FRMD4B: variants seen among roughly 807,000 people sequenced by gnomAD.
FRMD4B encodes FERM domain containing 4B, also known as FERM domain-containing protein 4B.
FRMD4B carries 74 observed loss-of-function variants against 141.5 expected under a neutral mutation model. That is an observed-to-expected ratio of 0.52 (90% CI 0.43 to 0.63). FRMD4B has a LOEUF of 0.63. Ranked by LOEUF, FRMD4B falls within the 30% of genes least tolerant of loss-of-function variation. FRMD4B has a pLI of 0.00. For missense variants in FRMD4B, 1,366 were observed against 1,253.4 expected (o/e 1.09, Z -1.36); for synonymous variants, 506 against 467.9 (o/e 1.08, Z -1.05).
chr3:69,489,135 A>G (rs1214845115), intron 1 of FRMD4B, among the ~76,000 whole-genome samples: 3 of 151,728 alleles, frequency 2.0e-5, no homozygotes, highest in Non-Finnish European at 2.9e-5. Context: ...TGCAAATCAT[A>G]TATCTAAAAA....
intron 1 of FRMD4B, chr3:69,536,639 T>C: frequency 9.9e-7 from 1 of 1,010,322 alleles, no homozygotes; most frequent in Non-Finnish European, 1.5e-6. Flanking sequence ...TGGATGATCC[T>C]GCTGTGGAAG....
intron 14 of FRMD4B, among the ~76,000 whole-genome samples, chr3:69,195,707 A>AAACTTTT (rs2092896851): frequency 1.9e-4 from 2 of 10,618 alleles, no homozygotes; most frequent in Non-Finnish European, 1.6e-3. Context: ...TGTTCTTTTA[A>AAACTTTT]AAAGTAAGCA....
chr3:69,488,597 C>G (rs953401610), intron 1 of FRMD4B, among the ~76,000 whole-genome samples: 1 of 152,006 alleles, frequency 6.6e-6, no homozygotes, highest in Admixed American at 6.6e-5. Flanking sequence ...AGGCATAGAC[C>G]TAGCTATAAA....
At chr3:69,277,008 G>C (rs953292471) in intron 5 of FRMD4B, among the ~76,000 whole-genome samples, 22 of 152,226 alleles carry the variant, frequency 1.4e-4, no homozygotes, top group African/African-American at 5.3e-4. Context: ...GATAGGCTGA[G>C]ACTGTCACGA....
intron 1 of FRMD4B, among the ~76,000 whole-genome samples, chr3:69,487,436 T>A (rs532292668): frequency 2.0e-5 from 3 of 152,138 alleles, no homozygotes; most frequent in Non-Finnish European, 4.4e-5. Context: ...GGTCTAGAGA[T>A]TGGGTTTTCC....
In FRMD4B at chr3:69,182,639, C is replaced by A. The variant is rs184557227; in HGVS notation, c.1998G>T (p.Thr666=). Residue 666 remains threonine, a synonymous_variant, in exon 20 of 23, where the codon ACG becomes ACT. Coordinates refer to ENST00000398540, the MANE Select transcript of FRMD4B (RefSeq NM_015123.3). ...TGTAGGCGTTTCGGGTAAGAACTGG[C>A]GTGGTGGGCATGCTTCGTCCTCCCT... ...RPQGGRSMPT[T]PVLTRNAYSS... 10 of 1,613,582 alleles carry A rather than the reference C, an allele frequency of 6.2e-6. No homozygotes were observed. The East Asian group carries it at 1.1e-4, about 18-fold the overall frequency.
intron 1 of FRMD4B, among the ~76,000 whole-genome samples, chr3:69,478,226 T>C (rs921733478): frequency 6.6e-6 from 1 of 152,202 alleles, no homozygotes; most frequent in African/African-American, 2.4e-5. Context: ...CTGATTTTAG[T>C]TATTTCTTGC....
chr3:69,260,980 A>G (rs372261787), intron 5 of FRMD4B, among the ~76,000 whole-genome samples: 1 of 152,192 alleles, frequency 6.6e-6, no homozygotes, highest in African/African-American at 2.4e-5. Context: ...TGTAAAATGG[A>G]CCAATTAGCT....
Position 69,314,774 on chromosome 3 carries a change from G to A in FRMD4B, c.163-1257C>T, listed in dbSNP as rs893492095. On this transcript the variant is annotated intron_variant, in intron 1 of 22. Transcript: ENST00000398540. The stretch of plus-strand genomic sequence containing the variant: ...CCCTTTGGCCTGGGAGGTTGAGGTT[G>A]CAGTAAGCTGAGATTGTACCACTGC... 4.6e-5 allele frequency among the ~76,000 whole-genome samples: 7 copies of A among 152,270 alleles called. 1 individual carries two copies. The South Asian group carries it at 1.5e-3, about 32-fold the overall frequency.
chr3:69,437,465 A>C (rs1339214671), intron 1 of FRMD4B, among the ~76,000 whole-genome samples: 2 of 147,142 alleles, frequency 1.4e-5, no homozygotes, highest in Non-Finnish European at 3.0e-5. Context: ...ACACTAGTGT[A>C]TATACTAGTA....
At chr3:69,519,382 G>C (rs1340673510) in intron 1 of FRMD4B, among the ~76,000 whole-genome samples, 1 of 152,134 alleles carries the variant, frequency 6.6e-6, no homozygotes, top group Non-Finnish European at 1.5e-5. Context: ...AATATGAATA[G>C]AGCAGCAGCA....
chr3:69,344,634 C>A (rs1702867440), intron 1 of FRMD4B, among the ~76,000 whole-genome samples: 1 of 152,148 alleles, frequency 6.6e-6, no homozygotes, highest in Non-Finnish European at 1.5e-5. Flanking sequence ...TCTCTCTTGT[C>A]TACTGGGCTT....
rs370267479 is a variant in FRMD4B at position 69,193,739 on chromosome 3, C to T, written c.1623G>A (p.Ala541=). Reference sequence around the variant, plus strand: ...TTTCAATCTCCTGAAGCTTTTTCATCGCATCTGTGTAATCTTGCTTTCGCT... The same window carrying T: ...TTTCAATCTCCTGAAGCTTTTTCATTGCATCTGTGTAATCTTGCTTTCGCT... ...KKKRKQDYTD[A]MKKLQEIENA... The change falls in exon 17 of 23, where the codon GCG becomes GCA. Residue 541 remains alanine, a synonymous_variant. Coordinates refer to ENST00000398540, the MANE Select transcript of FRMD4B (RefSeq NM_015123.3). 1.1e-5 allele frequency: 18 copies of T among 1,613,458 alleles called. No individual in the cohort carries two copies. The highest frequency in any genetic ancestry group is 8.0e-5 in the African/African-American group (6 of 74,918).
intron 9 of FRMD4B, among the ~76,000 whole-genome samples, chr3:69,219,095 G>A (rs2093168878): frequency 6.6e-6 from 1 of 151,568 alleles, no homozygotes; most frequent in Non-Finnish European, 1.5e-5. Context: ...AATTCGGGAG[G>A]TGGAGGTTGC....
At chr3:69,223,482 T>C (rs1444416835) in intron 8 of FRMD4B, among the ~76,000 whole-genome samples, 1 of 151,984 alleles carries the variant, frequency 6.6e-6, no homozygotes, top group African/African-American at 2.4e-5. Flanking sequence ...GCCATTATAT[T>C]CCAGCCTGGG....
chr3:69,356,793 A>G (rs1186686448), intron 1 of FRMD4B, among the ~76,000 whole-genome samples: 1 of 152,016 alleles, frequency 6.6e-6, no homozygotes, highest in African/African-American at 2.4e-5. Flanking sequence ...ATCTGGGGCT[A>G]CCAGGAAACC....
chr3:69,321,873 C>G (rs1031268156), intron 1 of FRMD4B, among the ~76,000 whole-genome samples: 18 of 152,104 alleles, frequency 1.2e-4, no homozygotes, highest in African/African-American at 3.9e-4. Flanking sequence ...TGCCACCACA[C>G]CTGGCTAATT....
intron 2 of FRMD4B, among the ~76,000 whole-genome samples, chr3:69,407,238 C>T (rs1704664100): frequency 1.3e-5 from 2 of 152,094 alleles, no homozygotes; most frequent in South Asian, 4.1e-4. Flanking sequence ...TCAACAGGTG[C>T]TTGGGTATAA....
In FRMD4B at chr3:69,323,061, G is replaced by A. The variant is rs1449575805; in HGVS notation, c.163-9544C>T. The A allele has an allele frequency of 4.4e-6, 4 of 914,842 alleles. No individual in the cohort carries two copies. The African/African-American group carries it at 7.2e-5, about 16-fold the overall frequency. 56.7% of individuals were successfully genotyped at this position (914,842 alleles called of 1,614,324 possible). On this transcript the variant is annotated intron_variant, in intron 1 of 22. Transcript: ENST00000398540. The stretch of plus-strand genomic sequence containing the variant: ...GTGGAGAAGGAAAAAGACAATGAGG[G>A]AGGGAGAAAAGCAGGCAGTGTAAAA...
Sources: gnomAD v4.1 joint callset for allele counts (sites outside exome capture counted in the v4.1 genomes callset) on GRCh38, gnomAD v4.1.1 for gene constraint, MANE v1.5 for transcripts, NCBI Gene and HGNC (gene_info 2026-07-23, HGNC 2026-07-21) for gene names.